PHKB: variants seen among roughly 807,000 people sequenced by gnomAD.
PHKB encodes phosphorylase kinase regulatory subunit beta, also known as phosphorylase b kinase regulatory subunit beta.
Under a neutral mutation model 152.1 loss-of-function variants are expected in PHKB, and 122 were observed. That is an observed-to-expected ratio of 0.80 (90% CI 0.69 to 0.93). The LOEUF is 0.93. Ranked by LOEUF, PHKB falls within the 40% of genes least tolerant of loss-of-function variation. The pLI is 0.00. For missense variants in PHKB, 1,304 were observed against 1,328.4 expected (o/e 0.98, Z 0.29); for synonymous variants, 436 against 464.9 (o/e 0.94, Z 0.80).
intron 26 of PHKB, among the ~76,000 whole-genome samples, chr16:47,678,952 G>A (rs903613510): frequency 6.6e-6 from 1 of 152,154 alleles, no homozygotes; most frequent in Non-Finnish European, 1.5e-5. Flanking sequence ...TTTGTATAAG[G>A]TGTAAGGAAG....
chr16:47,673,079 C>T (rs1378984247), intron 26 of PHKB, among the ~76,000 whole-genome samples: 2 of 151,796 alleles, frequency 1.3e-5, no homozygotes, highest in African/African-American at 4.8e-5. Flanking sequence ...GTGGGTCTCA[C>T]GAGATCAGTT....
At chr16:47,560,812 CT>C (rs1460488133) in intron 7 of PHKB, among the ~76,000 whole-genome samples, 2 of 151,940 alleles carry the variant, frequency 1.3e-5, no homozygotes, top group East Asian at 3.9e-4. Context: ...GTATAGAATT[CT>C]TTTTTACTCC....
intron 7 of PHKB, among the ~76,000 whole-genome samples, chr16:47,571,789 G>A (rs566691904): frequency 1.3e-5 from 2 of 152,240 alleles, no homozygotes; most frequent in Non-Finnish European, 2.9e-5. Context: ...CTTTCCCCAC[G>A]GAGCCCAGTA....
chr16:47,649,067 T>C (rs764566107), intron 17 of PHKB, 33 bp from the exon 18 acceptor site: 27 of 1,164,608 alleles, frequency 2.3e-5, no homozygotes, highest in Non-Finnish European at 3.2e-5. Context: ...GTATGTTCTT[T>C]AGTTATTTGT....
At chr16:47,526,686 A>G (rs1183320110) in intron 6 of PHKB, among the ~76,000 whole-genome samples, 1 of 152,224 alleles carries the variant, frequency 6.6e-6, no homozygotes, top group Non-Finnish European at 1.5e-5. Context: ...GAAAATGGAA[A>G]TTGAGAAATA....
rs183092911 is a variant in PHKB at position 47,494,648 on chromosome 16, C to T, written c.77-2751C>T. On this transcript the variant is annotated intron_variant, in intron 1 of 30. Coordinates refer to ENST00000323584, the MANE Select transcript of PHKB (RefSeq NM_000293.3). ...GTTTTATTTTACTTTGTGATGTTTG[C>T]GTATAGACATAATGCGAATGGGAAA... Among the ~76,000 whole-genome samples, 21 of 152,116 alleles carry T rather than the reference C, an allele frequency of 1.4e-4. No individual in the cohort carries two copies. The East Asian group carries it at 1.5e-3, about 11-fold the overall frequency.
intron 14 of PHKB, among the ~76,000 whole-genome samples, chr16:47,624,406 T>G (rs1461827701): frequency 6.6e-6 from 1 of 152,232 alleles, no homozygotes; most frequent in East Asian, 1.9e-4. Flanking sequence ...TTCCTTGTAC[T>G]TAAGTCAAAA....
chr16:47,687,745 A>T (rs1002857285), intron 26 of PHKB, among the ~76,000 whole-genome samples: 2 of 152,180 alleles, frequency 1.3e-5, no homozygotes, highest in African/African-American at 4.8e-5. Context: ...ACTTCCAGAA[A>T]TGGCAACAAC....
At chr16:47,561,286 C>T (rs988140878) in intron 7 of PHKB, 4 of 152,138 alleles carry the variant, frequency 2.6e-5, no homozygotes, top group Non-Finnish European at 4.4e-5. Flanking sequence ...GCCTGGGCAT[C>T]ATTGTACAGT....
chr16:47,586,519 A>G (rs1008222082), intron 8 of PHKB, among the ~76,000 whole-genome samples: 4 of 152,206 alleles, frequency 2.6e-5, no homozygotes, highest in African/African-American at 9.6e-5. Flanking sequence ...GCTAATTTTC[A>G]TGTACAAACA....
intron 1 of PHKB, among the ~76,000 whole-genome samples, chr16:47,471,166 T>C (rs1350795966): frequency 6.6e-6 from 1 of 152,074 alleles, no homozygotes; most frequent in African/African-American, 2.4e-5. Flanking sequence ...CTCCTAGAAA[T>C]AGGAATCAGT....
At chr16:47,476,214 T>C (rs1265973703) in intron 1 of PHKB, among the ~76,000 whole-genome samples, 2 of 152,132 alleles carry the variant, frequency 1.3e-5, no homozygotes, top group Non-Finnish European at 2.9e-5. Context: ...TTTTATGTAG[T>C]CCACTGGTAG....
intron 1 of PHKB, among the ~76,000 whole-genome samples, chr16:47,491,236 C>T (rs1053400952): frequency 6.6e-6 from 1 of 151,992 alleles, no homozygotes; most frequent in African/African-American, 2.4e-5. Context: ...ACATATAGTT[C>T]TATATGTTTG....
chr16:47,492,319 T>G (rs1311441180), intron 1 of PHKB, among the ~76,000 whole-genome samples: 1 of 152,116 alleles, frequency 6.6e-6, no homozygotes, highest in Admixed American at 6.5e-5. Flanking sequence ...CAATTAAAAC[T>G]CTACTGAGAA....
intron 1 of PHKB, among the ~76,000 whole-genome samples, chr16:47,469,703 A>G (rs920811515): frequency 6.6e-6 from 1 of 152,176 alleles, no homozygotes; most frequent in Non-Finnish European, 1.5e-5. Flanking sequence ...AAACCTCAGC[A>G]TCACGTAATA....
At chr16:47,693,945 A>AC (rs1405339343) in intron 28 of PHKB, among the ~76,000 whole-genome samples, 14 of 152,106 alleles carry the variant, frequency 9.2e-5, no homozygotes, top group Non-Finnish European at 1.9e-4. Context: ...CCCCTTCACT[A>AC]CCCCCAAGTG....
chr16:47,498,142 C>A (rs1443642000), intron 2 of PHKB, among the ~76,000 whole-genome samples: 1 of 152,128 alleles, frequency 6.6e-6, no homozygotes, highest in Non-Finnish European at 1.5e-5. Flanking sequence ...TTTCTCTCCC[C>A]CTAAGATGAT....
intron 7 of PHKB, chr16:47,565,186 A>T (rs1971544836): frequency 5.0e-6 from 3 of 599,252 alleles, no homozygotes; most frequent in Non-Finnish European, 9.7e-6. Context: ...CCTTGGGTTT[A>T]TATGGCTCAG....
At chr16:47,669,651 T>C (rs1973604233) in intron 26 of PHKB, among the ~76,000 whole-genome samples, 1 of 152,194 alleles carries the variant, frequency 6.6e-6, no homozygotes, top group South Asian at 2.1e-4. Context: ...AGTAACTCCT[T>C]TGTCTGGTAA....
Sources: allele counts gnomAD v4.1 joint callset (sites outside exome capture counted in the v4.1 genomes callset), GRCh38; gene constraint gnomAD v4.1.1; transcripts MANE v1.5; gene names NCBI Gene and HGNC (gene_info 2026-07-23, HGNC 2026-07-21).